GTF2F2: variants seen among roughly 807,000 people sequenced by gnomAD.
The protein encoded by GTF2F2 is ATP-dependent helicase GTF2F2.
In GTF2F2, 23 loss-of-function variants were observed where a neutral mutation model predicts 42.2. The observed-to-expected ratio is 0.55, with a 90% CI of 0.39 to 0.77. GTF2F2 has a LOEUF of 0.77. Ranked by LOEUF, GTF2F2 falls within the 30% of genes least tolerant of loss-of-function variation. The pLI is 0.00. For synonymous variants in GTF2F2, 105 were observed against 100.8 expected (o/e 1.04, Z -0.25); for missense variants, 261 against 287.2 (o/e 0.91, Z 0.66).
chr13:45,271,449 T>C (rs1876788929), intron 7 of GTF2F2, among the ~76,000 whole-genome samples: 2 of 150,798 alleles, frequency 1.3e-5, no homozygotes, highest in African/African-American at 4.9e-5. Context: ...AGTGGTGCAA[T>C]CTCGGATCAC....
At chr13:45,196,181 C>T (rs939259156) in intron 4 of GTF2F2, among the ~76,000 whole-genome samples, 4 of 152,112 alleles carry the variant, frequency 2.6e-5, no homozygotes, top group Admixed American at 6.6e-5. Flanking sequence ...TCGTTGAAAT[C>T]GAACTAGAAA....
At chr13:45,266,643 T>A (rs1167543846) in intron 6 of GTF2F2, among the ~76,000 whole-genome samples, 1 of 152,216 alleles carries the variant, frequency 6.6e-6, no homozygotes, top group Non-Finnish European at 1.5e-5. Flanking sequence ...ACTGAATTGA[T>A]ACAGTTTTGG....
intron 4 of GTF2F2, among the ~76,000 whole-genome samples, chr13:45,189,005 C>G (rs1232500306): frequency 2.6e-5 from 4 of 151,780 alleles, no homozygotes; most frequent in African/African-American, 9.7e-5. Flanking sequence ...CTACACCCAT[C>G]AACTTGTCAT....
intron 4 of GTF2F2, among the ~76,000 whole-genome samples, chr13:45,195,439 G>A (rs1404582038): frequency 6.6e-6 from 1 of 152,148 alleles, no homozygotes; most frequent in East Asian, 1.9e-4. Context: ...GACTGTGTAT[G>A]TGCATGCATG....
intron 4 of GTF2F2, among the ~76,000 whole-genome samples, chr13:45,154,534 C>A (rs1452368710): frequency 6.6e-6 from 1 of 152,112 alleles, no homozygotes; most frequent in East Asian, 1.9e-4. Context: ...AAATGCAGTT[C>A]TAAGTTGCTA....
intron 7 of GTF2F2, among the ~76,000 whole-genome samples, chr13:45,282,473 T>G (rs1877304989): frequency 6.6e-6 from 1 of 152,160 alleles, no homozygotes; most frequent in South Asian, 2.1e-4. Flanking sequence ...GCATCCCTGA[T>G]AGTTTTAGGG....
intron 5 of GTF2F2, among the ~76,000 whole-genome samples, chr13:45,210,361 T>C (rs6561211): frequency 0.96 from 145,639 of 152,240 alleles, 69,738 homozygotes; most frequent in East Asian, 1. Flanking sequence ...ACATTCTTTT[T>C]TGCCTGGAAC....
In GTF2F2 at chr13:45,137,528, A is replaced by G. The variant is rs117336108; in HGVS notation, c.140+722A>G. On this transcript the variant is annotated intron_variant, in intron 2 of 7. Coordinates refer to ENST00000340473, the MANE Select transcript of GTF2F2 (RefSeq NM_004128.3). ...TATTTGCTGATAATTCTATGGATCAATTCTGGTTGGGGCTGGCCTGGGCGG... is the reference window on the plus strand; with the variant it reads ...TATTTGCTGATAATTCTATGGATCAGTTCTGGTTGGGGCTGGCCTGGGCGG... Among the ~76,000 whole-genome samples the G allele has an allele frequency of 3.2e-4, 49 of 152,358 alleles. No individual in the cohort carries two copies. The East Asian group carries it at 6.5e-3, about 20-fold the overall frequency.
At chr13:45,209,979 C>A (rs529363342) in intron 5 of GTF2F2, among the ~76,000 whole-genome samples, 74 of 152,266 alleles carry the variant, frequency 4.9e-4, no homozygotes, top group African/African-American at 1.7e-3. Flanking sequence ...TCTGATCACC[C>A]CCATGAACTG....
At chr13:45,186,467 ATTT>A (rs1355488131) in intron 4 of GTF2F2, among the ~76,000 whole-genome samples, 2 of 150,012 alleles carry the variant, frequency 1.3e-5, no homozygotes, top group Non-Finnish European at 3.0e-5. Flanking sequence ...AATTTTTTGT[ATTT>A]TTAGTAGAGA....
Position 45,248,436 on chromosome 13 carries a change from T to TTTTTTG in GTF2F2, c.387-4421_387-4416dup, listed in dbSNP as rs1875738850. On this transcript the variant is annotated intron_variant, in intron 5 of 7. Coordinates refer to ENST00000340473, the MANE Select transcript of GTF2F2 (RefSeq NM_004128.3). ...TTTTTTGTTTTGTTTTGTTTTTTGTTTTTTTGTTTTTGTTTTTGTGTGTTT... is the reference window on the plus strand; with the variant it reads ...TTTTTTGTTTTGTTTTGTTTTTTGTTTTTTTGTTTTTGTTTTTGTTTTTGTGTGTTT... Among the ~76,000 whole-genome samples the TTTTTTG allele has an allele frequency of 2.0e-5, 3 of 152,056 alleles. No homozygotes were observed. The East Asian group carries it at 5.8e-4, about 29-fold the overall frequency.
chr13:45,282,424 A>T (rs1177633439), intron 7 of GTF2F2, among the ~76,000 whole-genome samples: 1 of 152,192 alleles, frequency 6.6e-6, no homozygotes, highest in African/African-American at 2.4e-5. Flanking sequence ...AAAACACCAT[A>T]ATATGACTCT....
chr13:45,232,233 G>A (rs922790877), intron 5 of GTF2F2, among the ~76,000 whole-genome samples: 1 of 152,216 alleles, frequency 6.6e-6, no homozygotes, highest in Admixed American at 6.5e-5. Flanking sequence ...TTGATGATCA[G>A]AGGGTTAGAA....
chr13:45,217,999 A>G (rs1362867888), intron 5 of GTF2F2, among the ~76,000 whole-genome samples: 1 of 152,246 alleles, frequency 6.6e-6, no homozygotes, highest in Non-Finnish European at 1.5e-5. Context: ...ACTAAGTGTG[A>G]AATAAAAGCC....
At chr13:45,275,574 T>G (rs910652642) in intron 7 of GTF2F2, among the ~76,000 whole-genome samples, 4 of 151,568 alleles carry the variant, frequency 2.6e-5, no homozygotes, top group Non-Finnish European at 4.4e-5. Flanking sequence ...GTCCTTGAGA[T>G]AGTTTGCTCA....
intron 5 of GTF2F2, among the ~76,000 whole-genome samples, chr13:45,241,181 T>TAA (rs1031347749): frequency 3.4e-5 from 4 of 118,928 alleles, no homozygotes; most frequent in African/African-American, 1.4e-4. Flanking sequence ...TAAATAAATA[T>TAA]AAAATATATA....
chr13:45,242,759 CATTT>C (rs1875382519), intron 5 of GTF2F2, among the ~76,000 whole-genome samples: 1 of 152,130 alleles, frequency 6.6e-6, no homozygotes, highest in South Asian at 2.1e-4. Flanking sequence ...ACAAAGGTGT[CATTT>C]ATTCATTTGC....
chr13:45,218,527 G>T (rs1367626739), intron 5 of GTF2F2, among the ~76,000 whole-genome samples: 1 of 152,110 alleles, frequency 6.6e-6, no homozygotes. Context: ...ATCTAGGAAG[G>T]GGCTGCACCC....
At position 45,213,183 on chromosome 13, in the gene GTF2F2, A is replaced by G. The variant is rs1374729253; in HGVS notation, c.386+5678A>G. Among the ~76,000 whole-genome samples the G allele has an allele frequency of 2.6e-5, 4 of 151,416 alleles. 1 individual carries two copies. The highest frequency in any genetic ancestry group is 1.3e-4 in the Admixed American group (2 of 15,212). ...AAGCTCTGCCTCCTGAGTTCACACC[A>G]TTCTTCTGCCTCAGCCTCCCGAGTA... On this transcript the variant is annotated intron_variant, in intron 5 of 7. Coordinates refer to ENST00000340473, the MANE Select transcript of GTF2F2 (RefSeq NM_004128.3).
Sources: gnomAD v4.1 joint callset for allele counts (sites outside exome capture counted in the v4.1 genomes callset) on GRCh38, gnomAD v4.1.1 for gene constraint, MANE v1.5 for transcripts, NCBI Gene and HGNC (gene_info 2026-07-23, HGNC 2026-07-21) for gene names.